Variants in TOP1 observed in about 807,000 individuals in gnomAD.
The protein encoded by TOP1 is DNA topoisomerase 1.
In TOP1, 10 loss-of-function variants were observed where a neutral mutation model predicts 111.1. That is an observed-to-expected ratio of 0.09 (90% CI 0.06 to 0.15). The LOEUF is 0.15. Among genes scored for constraint, TOP1 ranks in the 10% least tolerant of loss-of-function variants. TOP1 has a pLI of 1.00. For synonymous variants in TOP1, 271 were observed against 302.9 expected, an observed-to-expected ratio of 0.89 and a Z score of 1.10; for missense variants, 474 against 926.7, an observed-to-expected ratio of 0.51 and a Z score of 6.34.
At position 41,029,370 on chromosome 20, in the gene TOP1, G is replaced by C; in HGVS notation, c.34-61G>C. ...GGTGAGCCAGACCCCGGCCGCGCGCGCTCGCCGCCGGAGGGGTTAAAGTGG... is the reference window on the plus strand; with the variant it reads ...GGTGAGCCAGACCCCGGCCGCGCGCCCTCGCCGCCGGAGGGGTTAAAGTGG... On this transcript the variant is annotated intron_variant, in intron 1 of 20. Coordinates refer to ENST00000361337, the MANE Select transcript of TOP1 (RefSeq NM_003286.4). The surrounding 1 kb of genome is among the most constrained non-coding windows in gnomAD (Gnocchi z 6.1). 6.4e-6 allele frequency: 9 copies of C among 1,412,516 alleles called. No individual in the cohort carries two copies. The highest frequency in any genetic ancestry group is 7.4e-6 in the Non-Finnish European group (8 of 1,074,384). 87.5% of individuals were successfully genotyped at this position (1,412,516 alleles called of 1,614,324 possible).
At chr20:41,068,597 G>A (rs905222750) in intron 3 of TOP1, among the ~76,000 whole-genome samples, 1 of 152,038 alleles carries the variant, frequency 6.6e-6, no homozygotes, top group East Asian at 1.9e-4. Flanking sequence ...TAGAGATGGC[G>A]GTCTTGCTAT....
At chr20:41,107,112 C>CT (rs1459840116) in intron 13 of TOP1, among the ~76,000 whole-genome samples, 1 of 152,042 alleles carries the variant, frequency 6.6e-6, no homozygotes, top group Non-Finnish European at 1.5e-5. Flanking sequence ...CTGAAAATTT[C>CT]TTTATTTTCA....
At position 41,100,106 on chromosome 20, in the gene TOP1, T is replaced by C. The variant is rs372532263; in HGVS notation, c.1026T>C (p.Ile342=). The C allele has an allele frequency of 9.9e-6, 16 of 1,613,894 alleles. No individual in the cohort carries two copies. The highest frequency in any genetic ancestry group is 3.3e-4 in the Middle Eastern group (2 of 6,062). The change falls in exon 12 of 21, where the codon ATT becomes ATC. Residue 342 remains isoleucine (I), a synonymous_variant. Coordinates refer to ENST00000361337, the MANE Select transcript of TOP1 (RefSeq NM_003286.4). This position sits in a 1 kb window ranked among gnomAD's most constrained non-coding sequence, Gnocchi z 4.4. ...TACTGAAAGAATATGGATTCTGTAT[T>C]ATGGATAACCACAAAGAGAGGATTG... ...EKLLKEYGFC[I]MDNHKERIAN... is the part of the protein sequence containing the mutation.
Position 41,046,115 on chromosome 20 carries a change from G to T in TOP1, c.59-15279G>T, listed in dbSNP as rs893436637. Reference sequence around the variant, plus strand: ...GTGATCAGTTTTCGTGGGATGCAAGGAGAAAATGAATAGGAATGAAATAAA... The same window carrying T: ...GTGATCAGTTTTCGTGGGATGCAAGTAGAAAATGAATAGGAATGAAATAAA... On this transcript the variant is annotated intron_variant, in intron 2 of 20. Transcript: ENST00000361337. This position sits in a 1 kb window ranked among gnomAD's most constrained non-coding sequence, Gnocchi z 4.3. Among the ~76,000 whole-genome samples the T allele has an allele frequency of 5.9e-5, 9 of 152,320 alleles. No individual in the cohort carries two copies. The East Asian group carries it at 1.7e-3, about 29-fold the overall frequency.
At chr20:41,054,467 G>A (rs1029529745) in intron 2 of TOP1, among the ~76,000 whole-genome samples, 15 of 152,146 alleles carry the variant, frequency 9.9e-5, no homozygotes, top group African/African-American at 3.4e-4. Context: ...CCAGTCTTGG[G>A]TATGTCTTTA....
chr20:41,092,631 T>C lies in TOP1; in HGVS notation c.730+44T>C. 1 of 935,330 alleles carries C rather than the reference T, an allele frequency of 1.1e-6. No individual in the cohort carries two copies. The highest frequency in any genetic ancestry group is 1.6e-5 in the South Asian group (1 of 62,726). The allele number at this position is 935,330 out of a possible 1,614,324, so 57.9% of individuals were successfully genotyped here. ...CTTGATTCTTGGCCAGGAAAAGAAATCTGCTTCTATTTAGGGATAGAAAAC... is the reference window on the plus strand; with the variant it reads ...CTTGATTCTTGGCCAGGAAAAGAAACCTGCTTCTATTTAGGGATAGAAAAC... On this transcript the variant is annotated intron_variant, in intron 9 of 20. Coordinates refer to ENST00000361337, the MANE Select transcript of TOP1 (RefSeq NM_003286.4). The surrounding 1 kb of genome is among the most constrained non-coding windows in gnomAD (Gnocchi z 4.3).
Position 41,110,039 on chromosome 20 carries a change from C to T in TOP1, c.1309-2743C>T, listed in dbSNP as rs1041154492. ...GGTTGGTGCATGCCTGTAATCCAAG[C>T]ACTCTGGGAGGCCAAGGCGGGTGGA... On this transcript the variant is annotated intron_variant, in intron 13 of 20. Transcript: ENST00000361337. This position sits in a 1 kb window ranked among gnomAD's most constrained non-coding sequence, Gnocchi z 4.2. Among the ~76,000 whole-genome samples the T allele has an allele frequency of 3.9e-5, 6 of 152,306 alleles. No individual in the cohort carries two copies. The highest frequency in any genetic ancestry group is 6.8e-3 in the Middle Eastern group (2 of 294).
At position 41,029,507 on chromosome 20, in the gene TOP1, C is replaced by A. The variant is rs762357920; in HGVS notation, c.58+52C>A. ...GGGGCCCCCCAGCCGCCGGCCGCCT[C>A]CCCCGCGCCCTGCCGGTGCCGGGCA... On this transcript the variant is annotated intron_variant, in intron 2 of 20. Transcript: ENST00000361337. The surrounding 1 kb of genome is among the most constrained non-coding windows in gnomAD (Gnocchi z 6.1). The A allele has an allele frequency of 2.9e-5, 42 of 1,458,818 alleles. No individual in the cohort carries two copies. The highest frequency in any genetic ancestry group is 5.7e-5 in the African/African-American group (4 of 69,840). The allele number at this position is 1,458,818 out of a possible 1,614,324, so 90.4% of individuals were successfully genotyped here.
chr20:41,034,813 C>T lies in TOP1; in HGVS notation c.58+5358C>T, dbSNP rs544840600. Among the ~76,000 whole-genome samples, 4 of 151,906 alleles carry T rather than the reference C, an allele frequency of 2.6e-5. 1 individual carries two copies. The South Asian group carries it at 8.3e-4, about 32-fold the overall frequency. ...CTGTCTTTATGTGTGTCATTTATGT[C>T]TCTTAACGTTTAGTAAGAAAGAAAT... On this transcript the variant is annotated intron_variant, in intron 2 of 20. Coordinates refer to ENST00000361337, the MANE Select transcript of TOP1 (RefSeq NM_003286.4). The surrounding 1 kb of genome is among the most constrained non-coding windows in gnomAD (Gnocchi z 4.0).
chr20:41,100,113 A>G lies in TOP1; in HGVS notation c.1033A>G (p.Asn345Asp). ...LKEYGFCIMD[N>D]HKERIANFKI... is the part of the protein sequence containing the mutation. ...AGAATATGGATTCTGTATTATGGAT[A>G]ACCACAAAGAGAGGATTGCTAACTT... Residue 345 changes from asparagine (N) to aspartate (D), a missense_variant, in exon 12 of 21, where the codon AAC becomes GAC. By Grantham distance (23) the Asn-to-Asp change is conservative. This residue lies in a region of TOP1 where 14 missense variants were observed against 66.1 expected (regional missense o/e 0.21). Coordinates refer to ENST00000361337, the MANE Select transcript of TOP1 (RefSeq NM_003286.4). This position sits in a 1 kb window ranked among gnomAD's most constrained non-coding sequence, Gnocchi z 4.4. 6.2e-7 allele frequency: 1 copy of G among 1,613,890 alleles called. No individual in the cohort carries two copies. The highest frequency in any genetic ancestry group is 8.5e-7 in the Non-Finnish European group (1 of 1,179,798).
At chr20:41,053,043 C>T (rs8122094) in intron 2 of TOP1, among the ~76,000 whole-genome samples, 4 of 152,086 alleles carry the variant, frequency 2.6e-5, no homozygotes, top group African/African-American at 4.8e-5. Flanking sequence ...GGGAGATAAA[C>T]ATAACTCTGG....
At chr20:41,085,547 CCAG>C (rs2033838254) in intron 8 of TOP1, among the ~76,000 whole-genome samples, 1 of 152,150 alleles carries the variant, frequency 6.6e-6, no homozygotes, top group Admixed American at 6.5e-5. Flanking sequence ...AACTACTATA[CCAG>C]CAGTACATGA....
rs992800074 is a variant in TOP1 at position 41,069,196 on chromosome 20, G to T, written c.156-6975G>T. ...TTTTAGGAATATGCACTTGAATTACGCATCTAGTTCTCAGATTAGGGGAGA... is the reference window on the plus strand; with the variant it reads ...TTTTAGGAATATGCACTTGAATTACTCATCTAGTTCTCAGATTAGGGGAGA... On this transcript the variant is annotated intron_variant, in intron 3 of 20. Coordinates refer to ENST00000361337, the MANE Select transcript of TOP1 (RefSeq NM_003286.4). The surrounding 1 kb of genome is among the most constrained non-coding windows in gnomAD (Gnocchi z 4.1). 6.6e-6 allele frequency among the ~76,000 whole-genome samples: 1 copy of T among 152,158 alleles called. No individual in the cohort carries two copies. The highest frequency in any genetic ancestry group is 1.5e-5 in the Non-Finnish European group (1 of 68,022).
chr20:41,097,137 T>C lies in TOP1; in HGVS notation c.731-83T>C. 1 of 1,488,410 alleles carries C rather than the reference T, an allele frequency of 6.7e-7. No homozygotes were observed. The highest frequency in any genetic ancestry group is 9.1e-7 in the Non-Finnish European group (1 of 1,100,830). The allele number at this position is 1,488,410 out of a possible 1,614,324, so 92.2% of individuals were successfully genotyped here. ...ATACCATGAGAAGGCAAACCATTAT[T>C]AAAGAGAATTCGCTAGCCCTGGGTA... On this transcript the variant is annotated intron_variant, in intron 9 of 20. Transcript: ENST00000361337. This position sits in a 1 kb window ranked among gnomAD's most constrained non-coding sequence, Gnocchi z 4.2.
chr20:41,072,892 CAGTT>C (rs2145932970), intron 3 of TOP1: 2 of 985,372 alleles, frequency 2.0e-6, no homozygotes, highest in African/African-American at 3.5e-5. Context: ...TATGCCTAAA[CAGTT>C]AGGAGTAGAG....
At chr20:41,033,052 A>G (rs778684042) in intron 2 of TOP1, among the ~76,000 whole-genome samples, 23 of 152,154 alleles carry the variant, frequency 1.5e-4, no homozygotes, top group Non-Finnish European at 3.1e-4. Context: ...GGATTTTTAT[A>G]CTATGCTTTG....
At chr20:41,050,121 A>T (rs1359834798) in intron 2 of TOP1, among the ~76,000 whole-genome samples, 1 of 152,178 alleles carries the variant, frequency 6.6e-6, no homozygotes, top group South Asian at 2.1e-4. Flanking sequence ...GGTTCAAGTG[A>T]TTCTCCTGCC....
intron 2 of TOP1, among the ~76,000 whole-genome samples, chr20:41,055,131 C>T (rs1020085062): frequency 6.6e-6 from 1 of 152,138 alleles, no homozygotes; most frequent in Non-Finnish European, 1.5e-5. Context: ...GGGCTTCCTC[C>T]CATGTCTTCA....
At chr20:41,113,112 T>C (rs947349079) in intron 14 of TOP1, among the ~76,000 whole-genome samples, 187 bp downstream of exon 14, 1 of 152,252 alleles carries the variant, frequency 6.6e-6, no homozygotes, top group Admixed American at 6.5e-5. Flanking sequence ...TTCTGATCTT[T>C]TTTTAACTCT....
Sources: allele counts gnomAD v4.1 joint callset (sites outside exome capture counted in the v4.1 genomes callset), GRCh38; gene constraint gnomAD v4.1.1; regional missense constraint gnomAD v4.1.1; non-coding constraint Gnocchi (gnomAD v3.1); transcripts MANE v1.5; gene names NCBI Gene and HGNC (gene_info 2026-07-23, HGNC 2026-07-21).